Variants in SDK1 observed in about 807,000 individuals in gnomAD.
SDK1 encodes the protein protein sidekick-1.
Under a neutral mutation model 245.5 loss-of-function variants are expected in SDK1, and 157 were observed. The observed-to-expected ratio is 0.64, with a 90% confidence interval of 0.56 to 0.73. The LOEUF is 0.73. Ranked by LOEUF, SDK1 falls within the 30% of genes least tolerant of loss-of-function variation. The pLI is 0.00. For synonymous variants in SDK1, 1,647 were observed against 1,278.5 expected (o/e 1.29, Z -6.15); for missense variants, 3,583 against 3,002.3 (o/e 1.19, Z -4.52).
At chr7:3,946,545 G>C (rs775437910) in intron 5 of SDK1, among the ~76,000 whole-genome samples, 1 of 151,594 alleles carries the variant, frequency 6.6e-6, no homozygotes, top group African/African-American at 2.4e-5. Context: ...TCAAACTCTT[G>C]GGCTCAAGAG....
rs1562398708 is a variant in SDK1, at chr7:4,180,353, CGGCTCCAGCTCTATGCCCAGCGCCT to C, written c.5098+1817_5098+1841del. 1.2e-3 allele frequency among the ~76,000 whole-genome samples: 176 copies of C among 148,580 alleles called. 1 individual carries two copies. The highest frequency in any genetic ancestry group is 3.8e-3 in the Middle Eastern group (1 of 264). ...CGGCTCCAGCTCTATGCCCAGCACCCGGCTCCAGCTCTATGCCCAGCGCCTGGCTCCAGCTCTATGCCCAGCGCCT... is the reference window on the plus strand; with the variant it reads ...CGGCTCCAGCTCTATGCCCAGCACCCGGCTCCAGCTCTATGCCCAGCGCCT... On this transcript the variant is annotated intron_variant, in intron 35 of 44. Transcript: ENST00000404826.
At chr7:3,643,329 T>C (rs1006103903) in intron 4 of SDK1, 2 of 150,142 alleles carry the variant, frequency 1.3e-5, no homozygotes, top group African/African-American at 4.9e-5. Flanking sequence ...TACCTGAGCA[T>C]CTGTGGAATC....
At chr7:3,340,122 T>A (rs1326206347) in intron 1 of SDK1, among the ~76,000 whole-genome samples, 1 of 152,020 alleles carries the variant, frequency 6.6e-6, no homozygotes, top group Non-Finnish European at 1.5e-5. Flanking sequence ...ATTAGCTTTT[T>A]ATTTTAGTTT....
chr7:4,096,877 A>T (rs2128185626), intron 22 of SDK1, among the ~76,000 whole-genome samples: 1 of 152,298 alleles, frequency 6.6e-6, no homozygotes, highest in South Asian at 2.1e-4. Context: ...CAGGTCTGCG[A>T]AGTCCCCAGT....
intron 4 of SDK1, among the ~76,000 whole-genome samples, chr7:3,738,996 T>G (rs1583359606): frequency 6.6e-6 from 1 of 152,158 alleles, no homozygotes; most frequent in African/African-American, 2.4e-5. Context: ...CCTTATTTTT[T>G]TCTTATATAA....
Position 3,902,113 on chromosome 7 carries a change from G to A in SDK1, c.848-48810G>A, listed in dbSNP as rs533763381. 7.9e-5 allele frequency among the ~76,000 whole-genome samples: 12 copies of A among 152,232 alleles called. No homozygotes were observed. The South Asian group carries it at 1.7e-3, about 21-fold the overall frequency. ...CCTTTGAGTGCAATATGATATTTAC[G>A]AACCAAGATCTGGCTGCTAAGTGTG... On this transcript the variant is annotated intron_variant, in intron 5 of 44. Coordinates refer to ENST00000404826, the MANE Select transcript of SDK1 (RefSeq NM_152744.4).
intron 1 of SDK1, among the ~76,000 whole-genome samples, chr7:3,424,909 T>G (rs1750303810): frequency 6.6e-6 from 1 of 151,950 alleles, no homozygotes; most frequent in Non-Finnish European, 1.5e-5. Context: ...AAAACAAATA[T>G]TTTTCATCCT....
intron 2 of SDK1, among the ~76,000 whole-genome samples, chr7:3,620,802 G>A (rs1781914471): frequency 6.6e-6 from 1 of 152,098 alleles, no homozygotes; most frequent in Admixed American, 6.5e-5. Flanking sequence ...GTCCCTTGTA[G>A]CACCTCACTT....
intron 12 of SDK1, among the ~76,000 whole-genome samples, chr7:3,972,204 C>T (rs1297157117): frequency 6.6e-5 from 10 of 151,836 alleles, no homozygotes; most frequent in Non-Finnish European, 1.2e-4. Context: ...CTCAGCCTCC[C>T]GAGTAGCTGG....
chr7:3,467,565 A>G (rs192697773), intron 1 of SDK1, among the ~76,000 whole-genome samples: 2 of 152,164 alleles, frequency 1.3e-5, no homozygotes. Flanking sequence ...TAATAATTAT[A>G]GTAAATTATT....
intron 6 of SDK1, 55 bp from the exon 7 acceptor site, chr7:3,951,675 C>G: frequency 2.0e-6 from 3 of 1,527,280 alleles, no homozygotes; most frequent in Non-Finnish European, 2.7e-6. Context: ...AGATGATGAC[C>G]GTTGCCACCT....
chr7:3,475,626 C>T (rs376346516), intron 1 of SDK1, among the ~76,000 whole-genome samples: 1 of 152,294 alleles, frequency 6.6e-6, no homozygotes, highest in African/African-American at 2.4e-5. Flanking sequence ...AATCAAATGA[C>T]ATGATTATGT....
intron 4 of SDK1, among the ~76,000 whole-genome samples, chr7:3,648,970 G>A (rs1782928267): frequency 6.6e-6 from 1 of 152,220 alleles, no homozygotes; most frequent in Non-Finnish European, 1.5e-5. Flanking sequence ...AAGGAAGGGG[G>A]TGCCATGGCA....
intron 40 of SDK1, among the ~76,000 whole-genome samples, chr7:4,227,726 G>A (rs977581241): frequency 2.6e-5 from 4 of 152,224 alleles, no homozygotes; most frequent in Admixed American, 1.3e-4. Context: ...CCTAATACCT[G>A]CAGCACGCAG....
chr7:4,261,070 A>C (rs1787971783), intron 44 of SDK1, among the ~76,000 whole-genome samples: 1 of 152,060 alleles, frequency 6.6e-6, no homozygotes, highest in Admixed American at 6.5e-5. Flanking sequence ...TTCCAGTTTG[A>C]GGTAGATTTT....
At chr7:3,382,379 CCA>C (rs2128567390) in intron 1 of SDK1, among the ~76,000 whole-genome samples, 1 of 152,288 alleles carries the variant, frequency 6.6e-6, no homozygotes, top group East Asian at 1.9e-4. Flanking sequence ...GTATCTGACT[CCA>C]GAGTGGTGGT....
intron 4 of SDK1, among the ~76,000 whole-genome samples, chr7:3,762,437 A>G (rs536650965): frequency 2.6e-5 from 4 of 152,380 alleles, no homozygotes; most frequent in Non-Finnish European, 5.9e-5. Flanking sequence ...AAAAACAACA[A>G]CAAAAAACTA....
chr7:3,635,293 T>G (rs985945636), intron 2 of SDK1, among the ~76,000 whole-genome samples: 4 of 152,206 alleles, frequency 2.6e-5, no homozygotes, highest in African/African-American at 9.6e-5. Context: ...ATAAAAGATT[T>G]TATTAATCCT....
chr7:3,749,217 A>T (rs1583371686), intron 4 of SDK1, among the ~76,000 whole-genome samples: 1 of 151,996 alleles, frequency 6.6e-6, no homozygotes, highest in Non-Finnish European at 1.5e-5. Flanking sequence ...GCTCACTGCA[A>T]CCTCCGCCTC....
Sources: allele counts gnomAD v4.1 joint callset (sites outside exome capture counted in the v4.1 genomes callset), GRCh38; gene constraint gnomAD v4.1.1; transcripts MANE v1.5; gene names NCBI Gene and HGNC (gene_info 2026-07-23, HGNC 2026-07-21).